Variants in PDGFRB observed in about 807,000 individuals in gnomAD.
PDGFRB encodes the protein platelet-derived growth factor receptor beta.
PDGFRB carries 42 observed loss-of-function variants against 120.2 expected under a neutral mutation model. The observed-to-expected ratio is 0.35, with a 90% CI of 0.27 to 0.45. The LOEUF (loss-of-function observed/expected upper bound fraction) is 0.45, where lower values mean the gene tolerates loss of function less well. PDGFRB is among the 20% of genes least tolerant of loss of function. The pLI is 1.00. For synonymous variants in PDGFRB, 586 were observed against 606.8 expected, an observed-to-expected ratio of 0.97 and a Z score of 0.50; for missense variants, 1,149 against 1,476.3, an observed-to-expected ratio of 0.78 and a Z score of 3.63.
At chr5:150,145,690 G>A (rs1047893622) in intron 1 of PDGFRB, among the ~76,000 whole-genome samples, 3 of 152,048 alleles carry the variant, frequency 2.0e-5, no homozygotes, top group Non-Finnish European at 4.4e-5. Context: ...AAGGAGCCCC[G>A]CAAAAAGGAC....
intron 4 of PDGFRB, chr5:150,134,260 A>G (rs1760560465): frequency 3.6e-6 from 2 of 560,140 alleles, no homozygotes; most frequent in Non-Finnish European, 6.4e-6. Flanking sequence ...ACAGTCTGGA[A>G]ATCAAAGTAC....
At chr5:150,118,888 A>T (rs748731656) in intron 20 of PDGFRB, 36 bp from the exon 21 acceptor site, 1 of 1,315,770 alleles carries the variant, frequency 7.6e-7, no homozygotes, top group Non-Finnish European at 1.1e-6. Context: ...CCTCTGGCCC[A>T]GGGTTCAGGG....
intron 1 of PDGFRB, among the ~76,000 whole-genome samples, chr5:150,150,818 C>G (rs1761058127): frequency 6.6e-6 from 1 of 152,156 alleles, no homozygotes; most frequent in Admixed American, 6.5e-5. Context: ...CATCACTCAT[C>G]TGGGCCAAAG....
At chr5:150,155,333 A>T in intron 1 of PDGFRB, 64 bp downstream of exon 1, 4 of 247,790 alleles carry the variant, frequency 1.6e-5, no homozygotes, top group East Asian at 6.7e-5. Context: ...CTACTCGAAG[A>T]GATGCAGGTT....
chr5:150,141,968 G>T (rs1343547362), intron 1 of PDGFRB, among the ~76,000 whole-genome samples: 1 of 152,122 alleles, frequency 6.6e-6, no homozygotes, highest in East Asian at 1.9e-4. Context: ...GGGCCATGCT[G>T]CAGGGAGAGG....
In PDGFRB at chr5:150,114,876, T is replaced by C; in HGVS notation, c.*887A>G. The stretch of plus-strand genomic sequence containing the variant: ...GATTCCTCCAAAGCCTCATAGCAGG[T>C]CCAATGCAGAGCCAGGGCCATATAC... On this transcript the variant is annotated 3_prime_UTR_variant, in exon 23 of 23. Transcript: ENST00000261799. The C allele has an allele frequency of 4.3e-6, 1 of 233,316 alleles. No homozygotes were observed. Among genetic ancestry groups the C allele is most frequent in the Non-Finnish European group, 8.5e-6 (1 of 118,016 alleles). The allele number at this position is 233,316 out of a possible 1,614,324, so 14.5% of individuals were successfully genotyped here.
At position 150,117,816 on chromosome 5, in the gene PDGFRB, C is replaced by T. The variant is rs1561984983; in HGVS notation, c.2939G>A (p.Ser980Asn). 1.2e-6 allele frequency: 2 copies of T among 1,613,204 alleles called. No individual in the cohort carries two copies. The highest frequency in any genetic ancestry group is 1.7e-6 in the Non-Finnish European group (2 of 1,179,334). ...GGACCGAAGGATGGCTGGGTGGTCA[C>T]TCCTCAGAAACTCCTCATCCACCTG... Reference protein sequence around the residue: ...YQQVDEEFLRSDHPAILRSQA... With the variant: ...YQQVDEEFLRNDHPAILRSQA... The change falls in exon 22 of 23, where the codon AGT becomes AAT. Residue 980 changes from serine (S) to asparagine (N), a missense_variant. Ser to Asn is a conservative substitution (Grantham distance 46, BLOSUM62 1). Transcript: ENST00000261799.
Position 150,129,927 on chromosome 5 carries a change from G to T in PDGFRB, c.1409C>A (p.Ser470Tyr). The T allele has an allele frequency of 1.2e-6, 2 of 1,614,110 alleles. No individual in the cohort carries two copies. The highest frequency in any genetic ancestry group is 1.1e-5 in the South Asian group (1 of 91,082). Reference protein sequence around the residue: ...ELPPTLLGNSSEEESQLETNV... With the variant: ...ELPPTLLGNSYEEESQLETNV... ...AGTCTCCAGCTGGCTCTCCTCTTCG[G>T]AACTGTTCCCCAGCAGCGTGGGCGG... Residue 470 changes from serine (S) to tyrosine (Y), a missense_variant, in exon 10 of 23, where the codon TCC becomes TAC. Coordinates refer to ENST00000261799, the MANE Select transcript of PDGFRB (RefSeq NM_002609.4).
chr5:150,147,477 G>A (rs1760957933), intron 1 of PDGFRB, among the ~76,000 whole-genome samples: 1 of 152,204 alleles, frequency 6.6e-6, no homozygotes, highest in Admixed American at 6.5e-5. Context: ...GGTTCTCAGA[G>A]CCAAGTGGGC....
At chr5:150,154,378 G>A (rs949538685) in intron 1 of PDGFRB, among the ~76,000 whole-genome samples, 1 of 152,210 alleles carries the variant, frequency 6.6e-6, no homozygotes, top group East Asian at 1.9e-4. Context: ...CTTACTAGCT[G>A]TGTGGCTACA....
rs2113910525 is a variant in PDGFRB, at chr5:150,134,758, C to T, written c.623G>A (p.Arg208Lys). ...EVDSDAYYVYRLQVSSINVSV... is the reference protein window; with the variant it reads ...EVDSDAYYVYKLQVSSINVSV... Reference sequence around the variant, plus strand: ...CCAGAAAGGGGGCTCACCCTGGAGTCTGTAGACATAGTAGGCATCAGAATC... The same window carrying T: ...CCAGAAAGGGGGCTCACCCTGGAGTTTGTAGACATAGTAGGCATCAGAATC... The change falls in exon 4 of 23, where the codon AGA becomes AAA. Residue 208 changes from arginine (R) to lysine (K), a missense_variant. By Grantham distance (26) the Arg-to-Lys change is conservative (BLOSUM62 2). Transcript: ENST00000261799. 6.2e-7 allele frequency: 1 copy of T among 1,612,060 alleles called. No individual in the cohort carries two copies. Among genetic ancestry groups the T allele is most frequent in the South Asian group, 1.1e-5 (1 of 90,592 alleles).
chr5:150,128,059 C>T (rs1760349869), intron 10 of PDGFRB, among the ~76,000 whole-genome samples: 1 of 152,126 alleles, frequency 6.6e-6, no homozygotes, highest in South Asian at 2.1e-4. Context: ...TCTTCTCCTC[C>T]CTCCTCCCGC....
rs1401575504 is a variant in PDGFRB at position 150,119,929 on chromosome 5, T to C, written c.2698+83A>G. The C allele has an allele frequency of 7.6e-6, 6 of 790,670 alleles. No individual in the cohort carries two copies. In the African/African-American group the frequency reaches 1.0e-4, roughly 13 times the overall value. The allele number at this position is 790,670 out of a possible 1,614,324, so 49.0% of individuals were successfully genotyped here. ...GATCCCTGTATCAGGGCTCGTCCCA[T>C]AGCCCCACCAGGCCAGAGGCATGAG... On this transcript the variant is annotated intron_variant, in intron 19 of 22. Transcript: ENST00000261799.
chr5:150,124,468 C>T, intron 13 of PDGFRB, 108 bp from the exon 14 acceptor site: 1 of 818,088 alleles, frequency 1.2e-6, no homozygotes, highest in Non-Finnish European at 2.0e-6. Flanking sequence ...CTGCAAGACC[C>T]AGGCAGCCTG....
At position 150,114,899 on chromosome 5, in the gene PDGFRB, TACTGGCACACACACGTGGCCACTCCAC is replaced by T. The variant is rs1470153428; in HGVS notation, c.*837_*863del. ...GGTCCAATGCAGAGCCAGGGCCATATACTGGCACACACACGTGGCCACTCCACACTGGCACATTTACATTCTCATCAC... is the reference window on the plus strand; with the variant it reads ...GGTCCAATGCAGAGCCAGGGCCATATACTGGCACATTTACATTCTCATCAC... On this transcript the variant is annotated 3_prime_UTR_variant, in exon 23 of 23. Transcript: ENST00000261799. 8.6e-6 allele frequency: 2 copies of T among 233,230 alleles called. No homozygotes were observed. The highest frequency in any genetic ancestry group is 1.7e-5 in the Non-Finnish European group (2 of 118,008). 14.4% of individuals were successfully genotyped at this position (233,230 alleles called of 1,614,324 possible). A position where few individuals can be genotyped will look rare whatever the true frequency, so the allele number is the denominator to read the frequency against.
chr5:150,121,893 G>A lies in PDGFRB; in HGVS notation c.2331C>T (p.Asn777=), dbSNP rs201260232. ...ESSNYMAPYD[N]YVPSAPERTC... ...ATGTCCACCCACCAGAGGGAACGTAGTTATCGTAAGGGGCCATGTAGTTGG... is the reference window on the plus strand; with the variant it reads ...ATGTCCACCCACCAGAGGGAACGTAATTATCGTAAGGGGCCATGTAGTTGG... Residue 777 remains asparagine, a synonymous_variant, in exon 16 of 23, where the codon AAC becomes AAT. Coordinates refer to ENST00000261799, the MANE Select transcript of PDGFRB (RefSeq NM_002609.4). This position sits in a 1 kb window ranked among gnomAD's most constrained non-coding sequence, Gnocchi z 4.1. 4 of 1,613,042 alleles carry A rather than the reference G, an allele frequency of 2.5e-6. No homozygotes were observed. The highest frequency in any genetic ancestry group is 3.3e-5 in the Admixed American group (2 of 60,022).
At position 150,132,340 on chromosome 5, in the gene PDGFRB, A is replaced by G. The variant is rs1760490737; in HGVS notation, c.1128-246T>C. Among the ~76,000 whole-genome samples the G allele has an allele frequency of 6.6e-6, 1 of 152,054 alleles. No homozygotes were observed. The highest frequency in any genetic ancestry group is 1.5e-5 in the Non-Finnish European group (1 of 67,998). On this transcript the variant is annotated intron_variant, in intron 7 of 22. Transcript: ENST00000261799. This position sits in a 1 kb window ranked among gnomAD's most constrained non-coding sequence, Gnocchi z 5.0. Reference sequence around the variant, plus strand: ...GTGGGGAGCATTGAAGGAAAGTCCTATTTCTCTCCCCTTCAGAAAGGTGGA... The same window carrying G: ...GTGGGGAGCATTGAAGGAAAGTCCTGTTTCTCTCCCCTTCAGAAAGGTGGA...
rs753388811 is a variant in PDGFRB at position 150,132,950 on chromosome 5, G to T, written c.935-8C>A. On this transcript the variant is annotated splice_polypyrimidine_tract_variant and splice_region_variant and intron_variant, in intron 6 of 22. Transcript: ENST00000261799. The surrounding 1 kb of genome is among the most constrained non-coding windows in gnomAD (Gnocchi z 5.0). ...GCCGCACGTAGCCGCTCTCTGCAAG[G>T]GGTGACCGTCAGGGGCGGGGCCCTG... 2.6e-6 allele frequency: 4 copies of T among 1,547,836 alleles called. No individual in the cohort carries two copies. The highest frequency in any genetic ancestry group is 3.5e-6 in the Non-Finnish European group (4 of 1,144,494).
intron 1 of PDGFRB, among the ~76,000 whole-genome samples, chr5:150,141,652 C>T (rs1298008900): frequency 6.6e-6 from 1 of 152,136 alleles, no homozygotes; most frequent in East Asian, 1.9e-4. Flanking sequence ...TTGAGAGTTA[C>T]TTAGCTGAGA....
Sources: gnomAD v4.1 joint callset for allele counts (sites outside exome capture counted in the v4.1 genomes callset) on GRCh38, gnomAD v4.1.1 for gene constraint, Gnocchi (gnomAD v3.1) non-coding constraint, MANE v1.5 for transcripts, NCBI Gene and HGNC (gene_info 2026-07-23, HGNC 2026-07-21) for gene names.